PAK2: variants seen among roughly 807,000 people sequenced by gnomAD.
PAK2 encodes serine/threonine-protein kinase PAK 2.
In PAK2, 21 loss-of-function variants were observed where a neutral mutation model predicts 65.9. The ratio of observed to expected loss-of-function variants is 0.32; its 90% confidence interval spans 0.23 to 0.46. PAK2 has a LOEUF of 0.46. PAK2 is among the 20% of genes least tolerant of loss of function. The pLI is 1.00. For synonymous variants in PAK2, 204 were observed against 219.7 expected, an observed-to-expected ratio of 0.93 and a Z score of 0.63; for missense variants, 324 against 642.6, an observed-to-expected ratio of 0.50 and a Z score of 5.36.
intron 1 of PAK2, among the ~76,000 whole-genome samples, chr3:196,752,454 A>C (rs1713634805): frequency 6.6e-6 from 1 of 152,258 alleles, no homozygotes; most frequent in African/African-American, 2.4e-5. Context: ...GAAGATTATA[A>C]GATTTTTTTC....
intron 1 of PAK2, among the ~76,000 whole-genome samples, chr3:196,777,405 T>C (rs1577714850): frequency 6.6e-6 from 1 of 152,248 alleles, no homozygotes; most frequent in East Asian, 1.9e-4. Context: ...GGTTTCAGCA[T>C]GTTGGCCAGG....
At chr3:196,768,422 T>C (rs1714251260) in intron 1 of PAK2, among the ~76,000 whole-genome samples, 1 of 152,064 alleles carries the variant, frequency 6.6e-6, no homozygotes, top group Non-Finnish European at 1.5e-5. Flanking sequence ...GGATTTATTT[T>C]ACTGTTTTTT....
At chr3:196,811,081 T>C (rs1490460679) in intron 8 of PAK2, among the ~76,000 whole-genome samples, 1 of 151,990 alleles carries the variant, frequency 6.6e-6, no homozygotes, top group Non-Finnish European at 1.5e-5. Flanking sequence ...TCCTTTTTTC[T>C]GTTGCTTGGA....
In PAK2 at chr3:196,832,287, C is replaced by G. The variant is rs1439594842; in HGVS notation, c.*3882C>G. On this transcript the variant is annotated 3_prime_UTR_variant, in exon 15 of 15. Coordinates refer to ENST00000327134, the MANE Select transcript of PAK2 (RefSeq NM_002577.4). ...AACATCTTTGGTTGGAACGCATTGG[C>G]TTTTTTTTTCTTGTTTTGATAGAAA... 6.6e-6 allele frequency: 1 copy of G among 151,106 alleles called. No individual in the cohort carries two copies. Among genetic ancestry groups the G allele is most frequent in the Non-Finnish European group, 1.5e-5 (1 of 67,722 alleles). The allele number at this position is 151,106 out of a possible 1,614,324, so 9.4% of individuals were successfully genotyped here.
intron 1 of PAK2, among the ~76,000 whole-genome samples, chr3:196,754,376 G>A (rs1713703167): frequency 6.6e-6 from 1 of 152,114 alleles, no homozygotes; most frequent in Non-Finnish European, 1.5e-5. Flanking sequence ...AGATGTGTGT[G>A]TGTTTTCCTT....
At chr3:196,806,060 T>C (rs1176389414) in intron 5 of PAK2, among the ~76,000 whole-genome samples, 2 of 151,888 alleles carry the variant, frequency 1.3e-5, no homozygotes, top group Admixed American at 6.6e-5. Flanking sequence ...TACAGGCGCC[T>C]GCCACCACGA....
chr3:196,794,300 C>G lies in PAK2; in HGVS notation c.188-7627C>G, dbSNP rs535661357. ...TGTAGAAGCACACTGGCTTCACTCACTCTGCCCTGCCACCACAGAAAACCA... is the reference window on the plus strand; with the variant it reads ...TGTAGAAGCACACTGGCTTCACTCAGTCTGCCCTGCCACCACAGAAAACCA... On this transcript the variant is annotated intron_variant, in intron 2 of 14. Coordinates refer to ENST00000327134, the MANE Select transcript of PAK2 (RefSeq NM_002577.4). 3.3e-5 allele frequency among the ~76,000 whole-genome samples: 5 copies of G among 152,266 alleles called. No homozygotes were observed. In the East Asian group the frequency reaches 9.6e-4, roughly 29 times the overall value.
intron 2 of PAK2, among the ~76,000 whole-genome samples, chr3:196,798,178 G>A (rs1222835654): frequency 6.6e-6 from 1 of 152,136 alleles, no homozygotes; most frequent in Non-Finnish European, 1.5e-5. Context: ...GATTCATTTA[G>A]AATGTCAATA....
chr3:196,763,733 G>T (rs537807387), intron 1 of PAK2, among the ~76,000 whole-genome samples: 40 of 152,096 alleles, frequency 2.6e-4, no homozygotes, highest in Non-Finnish European at 4.9e-4. Context: ...AAGTATTATT[G>T]TCTATTTTCT....
At chr3:196,821,805 G>A (rs1282651253) in intron 13 of PAK2, among the ~76,000 whole-genome samples, 1 of 152,174 alleles carries the variant, frequency 6.6e-6, no homozygotes, top group East Asian at 1.9e-4. Context: ...AAGTTAATAC[G>A]GAATTACCAG....
chr3:196,751,652 AACACAC>A (rs777261521), intron 1 of PAK2, among the ~76,000 whole-genome samples: 4,020 of 89,486 alleles, frequency 0.045, 227 homozygotes, highest in South Asian at 0.06. Context: ...CCCCCCAAAA[AACACAC>A]AAATTTATTT....
chr3:196,802,974 A>G (rs1715465996), intron 3 of PAK2, 43 bp from the exon 4 acceptor site: 2 of 1,354,308 alleles, frequency 1.5e-6, no homozygotes, highest in Admixed American at 2.7e-5. Flanking sequence ...ATTTTATTGC[A>G]TCAATTTAAA....
At position 196,814,694 on chromosome 3, in the gene PAK2, A is replaced by G. The variant is rs1715936000; in HGVS notation, c.1053+126A>G. Reference sequence around the variant, plus strand: ...GCTTTCTCTGTATACATTCTCTGCAAATTACTCCATCTCCGTGCCATTTCA... The same window carrying G: ...GCTTTCTCTGTATACATTCTCTGCAGATTACTCCATCTCCGTGCCATTTCA... On this transcript the variant is annotated intron_variant, in intron 11 of 14. Coordinates refer to ENST00000327134, the MANE Select transcript of PAK2 (RefSeq NM_002577.4). 7.8e-6 allele frequency: 5 copies of G among 640,574 alleles called. No homozygotes were observed. The Admixed American group carries it at 1.6e-4, about 20-fold the overall frequency. The allele number at this position is 640,574 out of a possible 1,614,324, so 39.7% of individuals were successfully genotyped here. A position where few individuals can be genotyped will look rare whatever the true frequency, so the allele number is the denominator to read the frequency against.
rs1054965428 is a variant in PAK2 at position 196,830,542 on chromosome 3, T to G, written c.*2137T>G. The G allele has an allele frequency of 5.3e-5, 8 of 152,334 alleles. No homozygotes were observed. The highest frequency in any genetic ancestry group is 3.4e-3 in the Middle Eastern group (1 of 294). 9.4% of individuals were successfully genotyped at this position (152,334 alleles called of 1,614,324 possible). On this transcript the variant is annotated 3_prime_UTR_variant, in exon 15 of 15. Transcript: ENST00000327134. ...TAAGTCAAAGACCATCCTCACTGAC[T>G]ATGTGCCAACGCCTCGTTTCAGGCT...
intron 6 of PAK2, among the ~76,000 whole-genome samples, chr3:196,807,546 T>TG (rs1715626857): frequency 6.6e-6 from 1 of 152,234 alleles, no homozygotes; most frequent in African/African-American, 2.4e-5. Context: ...TTCATGGACC[T>TG]GCTGTTTTAC....
intron 2 of PAK2, among the ~76,000 whole-genome samples, chr3:196,796,524 C>T (rs1715265154): frequency 6.6e-6 from 1 of 152,134 alleles, no homozygotes; most frequent in Admixed American, 6.6e-5. Context: ...TATGATTGCA[C>T]AACTCTAAAT....
chr3:196,782,574 T>G, intron 1 of PAK2, 52 bp from the exon 2 acceptor site: 1 of 834,940 alleles, frequency 1.2e-6, no homozygotes, highest in Non-Finnish European at 1.9e-6. Context: ...TGTTTTTTGC[T>G]TGTTCGTGCT....
rs764775647 is a variant in PAK2 at position 196,828,320 on chromosome 3, A to G, written c.1490A>G (p.His497Arg). 2 of 1,591,346 alleles carry G rather than the reference A, an allele frequency of 1.3e-6. No individual in the cohort carries two copies. Among genetic ancestry groups the G allele is most frequent in the East Asian group, 4.5e-5 (2 of 44,730 alleles). ...TATTTTTCCCCTTCTTTCTGGCAGCATCCTTTCCTGAAACTGGCCAAACCG... is the reference window on the plus strand; with the variant it reads ...TATTTTTCCCCTTCTTTCTGGCAGCGTCCTTTCCTGAAACTGGCCAAACCG... ...KRGSAKELLQ[H>R]PFLKLAKPLS... Residue 497 changes from histidine (H) to arginine (R), a missense_variant and splice_region_variant, in exon 15 of 15, where the codon CAT becomes CGT. His to Arg is a conservative substitution (Grantham distance 29). Coordinates refer to ENST00000327134, the MANE Select transcript of PAK2 (RefSeq NM_002577.4).
rs565026135 is a variant in PAK2 at position 196,806,629 on chromosome 3, T to A, written c.519T>A (p.Asp173Glu). The change falls in exon 6 of 15, where the codon GAT becomes GAA. Residue 173 changes from aspartate to glutamate, a missense_variant. Physicochemically the swap from Asp to Glu is conservative, Grantham distance 45. This residue lies in a region of PAK2 where 183 missense variants were observed against 246.2 expected (regional missense o/e 0.74). Coordinates refer to ENST00000327134, the MANE Select transcript of PAK2 (RefSeq NM_002577.4). ...CCGCAGTAGTGACAGAGGAGGAGGA[T>A]GATGATGAAGAGACTGCTCCTCCCG... is the stretch of plus-strand genomic sequence containing the variant. Reference protein sequence around the residue: ...EAPAVVTEEEDDDEETAPPVI... With the variant: ...EAPAVVTEEEEDDEETAPPVI... The A allele has an allele frequency of 5.0e-6, 8 of 1,613,182 alleles. No individual in the cohort carries two copies. The highest frequency in any genetic ancestry group is 5.9e-6 in the Non-Finnish European group (7 of 1,179,222).
Sources: gnomAD v4.1 joint callset for allele counts (sites outside exome capture counted in the v4.1 genomes callset) on GRCh38, gnomAD v4.1.1 for gene constraint, gnomAD v4.1.1 regional missense constraint, MANE v1.5 for transcripts, NCBI Gene and HGNC (gene_info 2026-07-23, HGNC 2026-07-21) for gene names.